GNS: variants seen among roughly 807,000 people sequenced by gnomAD.
GNS encodes glucosamine (N-acetyl)-6-sulfatase.
Under a neutral mutation model 69.7 loss-of-function variants are expected in GNS, and 40 were observed. The observed-to-expected ratio is 0.57, with a 90% CI of 0.45 to 0.75. The LOEUF is 0.75. Among genes scored for constraint, GNS ranks in the 30% least tolerant of loss-of-function variants. GNS has a pLI of 0.00. For missense variants in GNS, 565 were observed against 685.5 expected, an observed-to-expected ratio of 0.82 and a Z score of 1.96; for synonymous variants, 243 against 251.6, an observed-to-expected ratio of 0.97 and a Z score of 0.32.
chr12:64,754,905 G>T (rs199742994), intron 1 of GNS, among the ~76,000 whole-genome samples: 1 of 132,984 alleles, frequency 7.5e-6, no homozygotes, highest in Middle Eastern at 4.2e-3. Context: ...AAAAAAAAAA[G>T]AAGTTTTTAT....
At chr12:64,724,470 T>C (rs1177809774) in intron 10 of GNS, among the ~76,000 whole-genome samples, 1 of 152,204 alleles carries the variant, frequency 6.6e-6, no homozygotes. Flanking sequence ...GAGTTAGAGA[T>C]AGGAATTATT....
chr12:64,720,454 G>A (rs1868991067), intron 12 of GNS, among the ~76,000 whole-genome samples: 1 of 152,242 alleles, frequency 6.6e-6, no homozygotes, highest in South Asian at 2.1e-4. Context: ...CCTTCAGGCA[G>A]AGGCAAGAGA....
At chr12:64,740,795 C>T (rs1384722159) in intron 6 of GNS, 107 bp from the exon 7 acceptor site, 3 of 707,378 alleles carry the variant, frequency 4.2e-6, no homozygotes, top group Non-Finnish European at 7.7e-6. Context: ...CATACTTCAG[C>T]AAGAAGGAAC....
In GNS at chr12:64,740,631, A is replaced by G. The variant is rs978501400; in HGVS notation, c.850T>C (p.Phe284Leu). 8 of 1,575,324 alleles carry G rather than the reference A, an allele frequency of 5.1e-6. No homozygotes were observed. The Admixed American group carries it at 6.7e-5, about 13-fold the overall frequency. The change falls in exon 7 of 14, where the codon TTT (phenylalanine) becomes CTT (leucine). Residue 284 changes from phenylalanine to leucine, a missense_variant. By Grantham distance (22) the Phe-to-Leu change is conservative. Coordinates refer to ENST00000258145, the MANE Select transcript of GNS (RefSeq NM_002076.4). ...CTTTTCCTAAATGCATTATCTAAAA[A>G]CTGTATTGAAGAATTAGTCATTGGA... ...KTPMTNSSIQ[F>L]LDNAFRKRWQ...
chr12:64,756,871 C>A, intron 1 of GNS: 1 of 622,038 alleles, frequency 1.6e-6, no homozygotes, highest in Non-Finnish European at 2.8e-6. Context: ...AAAAAAGAAT[C>A]TGGGCCGAGA....
rs190245358 is a variant in GNS, at chr12:64,718,712, A to G, written c.1580+1310T>C. ...GTCCAGTCCCTTGACCCTCCATTTA[A>G]GATTTAATCAGATGCTGGCTTTAAG... On this transcript the variant is annotated intron_variant, in intron 13 of 13. Transcript: ENST00000258145. Among the ~76,000 whole-genome samples, 31 of 152,376 alleles carry G rather than the reference A, an allele frequency of 2.0e-4. No homozygotes were observed. In the East Asian group the frequency reaches 2.7e-3, roughly 13 times the overall value.
At chr12:64,728,127 G>A (rs919513348) in intron 10 of GNS, among the ~76,000 whole-genome samples, 8 of 152,114 alleles carry the variant, frequency 5.3e-5, no homozygotes, top group Admixed American at 3.3e-4. Context: ...GGTTCACCAT[G>A]TTGGCCAGGA....
chr12:64,717,474 C>G (rs1304250497), intron 13 of GNS, among the ~76,000 whole-genome samples: 1 of 151,686 alleles, frequency 6.6e-6, no homozygotes, highest in Admixed American at 6.6e-5. Flanking sequence ...TCTTAAGCCT[C>G]CAGAGTAGCT....
At chr12:64,743,391 A>C in intron 5 of GNS, 83 bp from the exon 6 acceptor site, 1 of 967,906 alleles carries the variant, frequency 1.0e-6, no homozygotes, top group East Asian at 2.5e-5. Context: ...GTGAGCAGAC[A>C]GTACAGGGTC....
At chr12:64,743,460 A>C in intron 5 of GNS, 152 bp from the exon 6 acceptor site, 1 of 666,434 alleles carries the variant, frequency 1.5e-6, no homozygotes, top group Non-Finnish European at 2.7e-6. Flanking sequence ...TTGCAAGCAT[A>C]TTGTTGGAAC....
rs192400800 is a variant in GNS, at chr12:64,757,818, T to G, written c.192+1267A>C. Among the ~76,000 whole-genome samples the G allele has an allele frequency of 1.1e-4, 16 of 152,292 alleles. No individual in the cohort carries two copies. The East Asian group carries it at 1.7e-3, about 17-fold the overall frequency. Reference sequence around the variant, plus strand: ...ACTGATTTCATAACTCACTCAAGGGTTGGGACCAGAGGTTTGAAGGACACT... The same window carrying G: ...ACTGATTTCATAACTCACTCAAGGGGTGGGACCAGAGGTTTGAAGGACACT... On this transcript the variant is annotated intron_variant, in intron 1 of 13. Transcript: ENST00000258145.
intron 5 of GNS, among the ~76,000 whole-genome samples, chr12:64,743,969 C>CT (rs1442151258): frequency 2.0e-5 from 3 of 152,138 alleles, no homozygotes; most frequent in African/African-American, 7.2e-5. Flanking sequence ...CCTATAATCC[C>CT]TCCATCCACC....
At chr12:64,719,191 T>A (rs1868949973) in intron 13 of GNS, among the ~76,000 whole-genome samples, 1 of 152,184 alleles carries the variant, frequency 6.6e-6, no homozygotes, top group African/African-American at 2.4e-5. Flanking sequence ...TTCACATTCA[T>A]TTGTCTCTAA....
chr12:64,746,213 C>T (rs1869894299), intron 3 of GNS: 2 of 178,550 alleles, frequency 1.1e-5, no homozygotes, highest in Non-Finnish European at 2.1e-5. Context: ...CAGAAAAAGT[C>T]CACACAGCCT....
Position 64,715,048 on chromosome 12 carries a change from A to C in GNS, c.*1693T>G, listed in dbSNP as rs1868818179. 1 of 152,660 alleles carries C rather than the reference A, an allele frequency of 6.6e-6. No homozygotes were observed. The highest frequency in any genetic ancestry group is 1.9e-4 in the East Asian group (1 of 5,200). The allele number at this position is 152,660 out of a possible 1,614,324, so 9.5% of individuals were successfully genotyped here. A position where few individuals can be genotyped will look rare whatever the true frequency, so the allele number is the denominator to read the frequency against. Reference sequence around the variant, plus strand: ...AAAGCTACTTTCAGCCATGTCTTACAAAGTGCTTAAAGCTGGACAGAAGAC... The same window carrying C: ...AAAGCTACTTTCAGCCATGTCTTACCAAGTGCTTAAAGCTGGACAGAAGAC... On this transcript the variant is annotated 3_prime_UTR_variant, in exon 14 of 14. Transcript: ENST00000258145.
intron 9 of GNS, among the ~76,000 whole-genome samples, chr12:64,731,118 C>T (rs1284110177): frequency 1.3e-5 from 2 of 152,174 alleles, no homozygotes; most frequent in Non-Finnish European, 2.9e-5. Flanking sequence ...ATTTTGTCAC[C>T]CGAGCTGGAG....
At chr12:64,746,313 A>G (rs1199946573) in intron 3 of GNS, 1 of 154,846 alleles carries the variant, frequency 6.5e-6, no homozygotes, top group Admixed American at 6.3e-5. Flanking sequence ...TCAAATAATC[A>G]GACTATAAGC....
chr12:64,728,037 C>A (rs1377456978), intron 10 of GNS, among the ~76,000 whole-genome samples: 1 of 152,192 alleles, frequency 6.6e-6, no homozygotes. Flanking sequence ...GATTCTTCTG[C>A]CTCAGCCTCC....
intron 7 of GNS, among the ~76,000 whole-genome samples, chr12:64,739,878 G>A (rs1198697282): frequency 2.0e-5 from 3 of 152,220 alleles, no homozygotes; most frequent in South Asian, 2.1e-4. Context: ...TCTCAGTACT[G>A]TGTATTACAG....
Sources: gnomAD v4.1 joint callset for allele counts (sites outside exome capture counted in the v4.1 genomes callset) on GRCh38, gnomAD v4.1.1 for gene constraint, MANE v1.5 for transcripts, NCBI Gene and HGNC (gene_info 2026-07-23, HGNC 2026-07-21) for gene names.